SRSF6: variants seen among roughly 807,000 people sequenced by gnomAD.
SRSF6 encodes the protein serine and arginine rich splicing factor 6.
In SRSF6, 17 loss-of-function variants were observed where a neutral mutation model predicts 42.0. The ratio of observed to expected loss-of-function variants is 0.40; its 90% CI spans 0.28 to 0.61. The LOEUF is 0.61. Ranked by LOEUF, SRSF6 falls within the 20% of genes least tolerant of loss-of-function variation. The pLI, the probability that SRSF6 is intolerant of heterozygous loss-of-function variation, is 0.37. For synonymous variants in SRSF6, 204 were observed against 166.7 expected, an observed-to-expected ratio of 1.22 and a Z score of -1.72; for missense variants, 379 against 471.4, an observed-to-expected ratio of 0.80 and a Z score of 1.81.
intron 2 of SRSF6, chr20:43,459,481 G>C (rs2017549789): frequency 3.3e-5 from 42 of 1,275,672 alleles, no homozygotes; most frequent in Non-Finnish European, 4.1e-5. Context: ...CATGTAATCA[G>C]TTAAGTTTTA....
At chr20:43,459,524 C>A in intron 2 of SRSF6, 1 of 1,315,172 alleles carries the variant, frequency 7.6e-7, no homozygotes, top group Non-Finnish European at 9.9e-7. Context: ...TAAAACTTAG[C>A]GAGGTAAATC....
Position 43,462,391 on chromosome 20 carries a change from C to T in SRSF6, c.*1328C>T, listed in dbSNP as rs1035973100. On this transcript the variant is annotated 3_prime_UTR_variant, in exon 6 of 6. Coordinates refer to ENST00000244020, the MANE Select transcript of SRSF6 (RefSeq NM_006275.6). ...AACCTTACATCCCTTTGTTCAGATA[C>T]CTTAAAAGTTACTTTATTTAAAAGC... 2 of 152,110 alleles carry T rather than the reference C, an allele frequency of 1.3e-5. No homozygotes were observed. The highest frequency in any genetic ancestry group is 4.8e-5 in the African/African-American group (2 of 41,408). 9.4% of individuals were successfully genotyped at this position (152,110 alleles called of 1,614,324 possible).
At chr20:43,458,648 G>C in intron 2 of SRSF6, 139 bp downstream of exon 2, 1 of 898,076 alleles carries the variant, frequency 1.1e-6, no homozygotes, top group Admixed American at 3.9e-5. Flanking sequence ...CTGCCTTCAC[G>C]TCTGCCCGGG....
chr20:43,459,239 C>T (rs1293133777), intron 2 of SRSF6: 1 of 1,352,032 alleles, frequency 7.4e-7, no homozygotes, highest in Admixed American at 1.9e-5. Context: ...ATTGTGTGAC[C>T]CTTGCCCTAT....
intron 2 of SRSF6, chr20:43,459,464 A>G: frequency 8.0e-7 from 1 of 1,255,344 alleles, no homozygotes; most frequent in Non-Finnish European, 1.0e-6. Context: ...TGTAAAATGT[A>G]GAAATGCATG....
At position 43,461,811 on chromosome 20, in the gene SRSF6, T is replaced by C. The variant is rs1477371833; in HGVS notation, c.*748T>C. On this transcript the variant is annotated 3_prime_UTR_variant, in exon 6 of 6. Coordinates refer to ENST00000244020, the MANE Select transcript of SRSF6 (RefSeq NM_006275.6). ...CATGATTTTGCTTAAATTAATACTT[T>C]TAAGTAATGGAACTTTTTTCAAAGG... 1 of 152,598 alleles carries C rather than the reference T, an allele frequency of 6.6e-6. No individual in the cohort carries two copies. Among genetic ancestry groups the C allele is most frequent in the Admixed American group, 6.5e-5 (1 of 15,278 alleles). 9.5% of individuals were successfully genotyped at this position (152,598 alleles called of 1,614,324 possible).
rs952580813 is a variant in SRSF6 at position 43,462,140 on chromosome 20, A to G, written c.*1077A>G. 2 of 152,230 alleles carry G rather than the reference A, an allele frequency of 1.3e-5. No homozygotes were observed. The allele number at this position is 152,230 out of a possible 1,614,324, so 9.4% of individuals were successfully genotyped here. A position where few individuals can be genotyped will look rare whatever the true frequency, so the allele number is the denominator to read the frequency against. ...CCTTTGTAGTTAGTGGGATTATTTG[A>G]TAATTGGTTAGATCATACTTGTAAA... On this transcript the variant is annotated 3_prime_UTR_variant, in exon 6 of 6. Transcript: ENST00000244020.
At position 43,461,357 on chromosome 20, in the gene SRSF6, T is replaced by TAAG. The variant is rs2017594176; in HGVS notation, c.*294_*295insAAG. ...GTGTTGTTTTTTTTTTTTTTTTTTT[T>TAAG]TTTTTTTTTTTTTTTTTAGTATTTC... On this transcript the variant is annotated 3_prime_UTR_variant, in exon 6 of 6. Transcript: ENST00000244020. 4.1e-6 allele frequency: 1 copy of TAAG among 244,696 alleles called. No homozygotes were observed. The highest frequency in any genetic ancestry group is 2.5e-5 in the African/African-American group (1 of 40,372). The allele number at this position is 244,696 out of a possible 1,614,324, so 15.2% of individuals were successfully genotyped here.
In SRSF6 at chr20:43,457,936, C is replaced by CGTGTA. The variant is rs1184169472; in HGVS notation, c.-94_-93insAGTGT. ...TCGGCCGCCCCTGTGGTGTGAGGCG[C>CGTGTA]GTGTTCGGGCTCTTGCCGTCCCCGC... On this transcript the variant is annotated 5_prime_UTR_variant, in exon 1 of 6. Coordinates refer to ENST00000244020, the MANE Select transcript of SRSF6 (RefSeq NM_006275.6). 8 of 995,468 alleles carry CGTGTA rather than the reference C, an allele frequency of 8.0e-6. No individual in the cohort carries two copies. The East Asian group carries it at 2.2e-4, about 27-fold the overall frequency. 61.7% of individuals were successfully genotyped at this position (995,468 alleles called of 1,614,324 possible).
chr20:43,458,240 G>T, intron 1 of SRSF6, 100 bp downstream of exon 1: 1 of 1,432,506 alleles, frequency 7.0e-7, no homozygotes, highest in Non-Finnish European at 9.2e-7. Context: ...CCGCGTGGCA[G>T]GGCCTCAAAG....
At chr20:43,459,017 C>T (rs1180173489) in intron 2 of SRSF6, 19 of 643,284 alleles carry the variant, frequency 3.0e-5, no homozygotes, top group South Asian at 2.7e-4. Flanking sequence ...AAGCTTTATG[C>T]TGTATTTGAA....
In SRSF6 at chr20:43,461,053, C is replaced by G. The variant is rs2017580655; in HGVS notation, c.1025C>G (p.Ser342Cys). Residue 342 changes from serine (S) to cysteine (C), a missense_variant, in exon 6 of 6, where the codon TCC (serine) becomes TGC (cysteine). This residue lies in a region of SRSF6 where 219 missense variants were observed against 216.1 expected (regional missense o/e 1.01). Transcript: ENST00000244020. ...TCAAGATCAAGGTCCAGGTCGAGTT[C>G]CAGAGATTAACTCAGAACTCCTTGT... ...SKSRSRSRSS[S>C]RD The G allele has an allele frequency of 1.3e-6, 2 of 1,578,142 alleles. No homozygotes were observed. The highest frequency in any genetic ancestry group is 2.7e-5 in the African/African-American group (2 of 73,318).
chr20:43,459,455 G>C, intron 2 of SRSF6: 1 of 1,248,268 alleles, frequency 8.0e-7, no homozygotes, highest in Admixed American at 3.3e-5. Context: ...AAACATTTTT[G>C]TAAAATGTAG....
chr20:43,460,258 C>T lies in SRSF6; in HGVS notation c.590+17C>T. 6.2e-7 allele frequency: 1 copy of T among 1,612,362 alleles called. No individual in the cohort carries two copies. Among genetic ancestry groups the T allele is most frequent in the African/African-American group, 1.3e-5 (1 of 75,020 alleles). The stretch of plus-strand genomic sequence containing the variant: ...CAGATCCAGGTAACTTGTTGAAGGA[C>T]ACTGTGGGAAGGAAACAATATTTGC... On this transcript the variant is annotated intron_variant, in intron 4 of 5. Coordinates refer to ENST00000244020, the MANE Select transcript of SRSF6 (RefSeq NM_006275.6).
Position 43,458,409 on chromosome 20 carries a change from T to A in SRSF6, c.156T>A (p.Val52=). ...FEDSRDADDA[V]YELNGKELCG... is the part of the protein sequence containing the mutation. ...ACTCCCGCGACGCCGACGACGCCGTTTACGAGCTGAACGGCAAGGAGCTCT... is the reference window on the plus strand; with the variant it reads ...ACTCCCGCGACGCCGACGACGCCGTATACGAGCTGAACGGCAAGGAGCTCT... Residue 52 remains valine, a synonymous_variant, in exon 2 of 6, where the codon GTT becomes GTA. Coordinates refer to ENST00000244020, the MANE Select transcript of SRSF6 (RefSeq NM_006275.6). 6.4e-7 allele frequency: 1 copy of A among 1,555,224 alleles called. No individual in the cohort carries two copies.
chr20:43,460,538 G>A lies in SRSF6; in HGVS notation c.614G>A (p.Arg205Gln), dbSNP rs1253765110. 1.2e-5 allele frequency: 19 copies of A among 1,614,034 alleles called. No individual in the cohort carries two copies. The highest frequency in any genetic ancestry group is 2.2e-5 in the South Asian group (2 of 91,088). Residue 205 changes from arginine (R) to glutamine (Q), a missense_variant, in exon 5 of 6, where the codon CGA becomes CAA. This residue lies in a region of SRSF6 where 219 missense variants were observed against 216.1 expected (regional missense o/e 1.01). Coordinates refer to ENST00000244020, the MANE Select transcript of SRSF6 (RefSeq NM_006275.6). ...RSRSRSRRRSRSRSRRSSRSR... is the reference protein window; with the variant it reads ...RSRSRSRRRSQSRSRRSSRSR... ...AGGTCTCGATCTAGAAGACGGTCAC[G>A]AAGTAGGAGTCGCAGGAGCAGCCGC...
At position 43,461,333 on chromosome 20, in the gene SRSF6, T is replaced by G. The variant is rs2017586872; in HGVS notation, c.*270T>G. The G allele has an allele frequency of 1.5e-5, 1 of 67,320 alleles. No individual in the cohort carries two copies. Among genetic ancestry groups the G allele is most frequent in the African/African-American group, 5.2e-5 (1 of 19,100 alleles). 4.2% of individuals were successfully genotyped at this position (67,320 alleles called of 1,614,324 possible). ...TTTTGTAAAGATTAAGCTCATTTAG[T>G]GTTGTTTTTTTTTTTTTTTTTTTTT... On this transcript the variant is annotated 3_prime_UTR_variant, in exon 6 of 6. Transcript: ENST00000244020.
chr20:43,458,546 A>G (rs1215013666), intron 2 of SRSF6, 37 bp downstream of exon 2: 1 of 1,445,858 alleles, frequency 6.9e-7, no homozygotes, highest in Admixed American at 3.0e-5. Flanking sequence ...GCCCTTGGGG[A>G]CCCTGGGGGC....
intron 1 of SRSF6, 74 bp from the exon 2 acceptor site, chr20:43,458,287 G>T: frequency 1.4e-6 from 2 of 1,408,554 alleles, no homozygotes; most frequent in Admixed American, 3.4e-5. Flanking sequence ...CGCGCGGTGG[G>T]GTACGGGCGC....
Sources: allele counts gnomAD v4.1 joint callset, GRCh38; gene constraint gnomAD v4.1.1; regional missense constraint gnomAD v4.1.1; transcripts MANE v1.5; gene names NCBI Gene and HGNC (gene_info 2026-07-23, HGNC 2026-07-21).